The following PRDM12 variants were observed in gnomAD, a reference collection of about 807,000 sequenced individuals.
PRDM12 encodes PR domain zinc finger protein 12.
A neutral mutation model predicts 29.6 loss-of-function variants in PRDM12; 17 were observed. The observed-to-expected ratio is 0.57, with a 90% CI of 0.39 to 0.86. The LOEUF (loss-of-function observed/expected upper bound fraction) is 0.86. Ranked by LOEUF, PRDM12 falls within the 40% of genes least tolerant of loss-of-function variation. The pLI, the probability that PRDM12 is intolerant of heterozygous loss-of-function variation, is 0.00. For missense variants in PRDM12, 422 were observed against 510.8 expected (o/e 0.83, Z 1.68); for synonymous variants, 231 against 225.8 (o/e 1.02, Z -0.21).
At chr9:130,676,897 C>T (rs1335379354) in intron 3 of PRDM12, among the ~76,000 whole-genome samples, 1 of 150,802 alleles carries the variant, frequency 6.6e-6, no homozygotes, top group African/African-American at 2.5e-5. Flanking sequence ...TTTCTTTCGA[C>T]CTCCCCTTCT....
rs1830905520 is a variant in PRDM12 at position 130,681,655 on chromosome 9, G to C, written c.1090G>C (p.Ala364Pro). Residue 364 changes from alanine (A) to proline (P), a missense_variant, in exon 5 of 5, where the codon GCC becomes CCC. Around this residue, in one of 5 missense-constraint regions of PRDM12, gnomAD observed 66 missense variants for 61.5 expected, o/e 1.07. Coordinates refer to ENST00000253008, the MANE Select transcript of PRDM12 (RefSeq NM_021619.3). This position sits in a 1 kb window ranked among gnomAD's most constrained non-coding sequence, Gnocchi z 8.1. ...CGCCGCCGCCGCGCACCACCTGCCGGCCATGGTGCTGTGAGCGCGCCCGCG... is the reference window on the plus strand; with the variant it reads ...CGCCGCCGCCGCGCACCACCTGCCGCCCATGGTGCTGTGAGCGCGCCCGCG... The part of the protein sequence containing the change: ...AAAAAAHHLP[A>P]MVL The C allele has an allele frequency of 1.0e-6, 1 of 978,114 alleles. No homozygotes were observed. Among genetic ancestry groups the C allele is most frequent in the Non-Finnish European group, 1.2e-6 (1 of 826,654 alleles). The allele number at this position is 978,114 out of a possible 1,614,324, so 60.6% of individuals were successfully genotyped here.
Position 130,666,634 on chromosome 9 carries a change from C to T in PRDM12, c.250C>T (p.Leu84=), listed in dbSNP as rs954703332. ...GEVQKLSSLV[L]PAEVIIAQSS... ...AGTGCAGAAGCTGTCCAGCCTGGTG[C>T]TGCCTGCGGAGGTGATCATCGCTCA... is the stretch of plus-strand genomic sequence containing the variant. The change falls in exon 2 of 5, where the codon CTG becomes TTG. Residue 84 remains leucine, a synonymous_variant. Transcript: ENST00000253008. The T allele has an allele frequency of 1.3e-5, 21 of 1,612,004 alleles. No homozygotes were observed. Among genetic ancestry groups the T allele is most frequent in the Non-Finnish European group, 1.8e-5 (21 of 1,179,342 alleles).
intron 3 of PRDM12, among the ~76,000 whole-genome samples, chr9:130,669,898 C>CAGAGGAGGGTGGGA (rs930247334): frequency 6.7e-6 from 1 of 149,820 alleles, no homozygotes; most frequent in African/African-American, 2.5e-5. Context: ...CAGGAAGGTT[C>CAGAGGAGGGTGGGA]AGAGGAGGGT....
At chr9:130,680,634 A>AAAATATATATATATATATAT (rs1469778040) in intron 4 of PRDM12, among the ~76,000 whole-genome samples, 2 of 88,498 alleles carry the variant, frequency 2.3e-5, no homozygotes, top group African/African-American at 5.7e-5. Flanking sequence ...AAAAAAAAAA[A>AAAATATATATATATATATAT]ATATATATAT....
Position 130,664,901 on chromosome 9 carries a change from C to A in PRDM12, c.223+25C>A, listed in dbSNP as rs557778396. 6 of 1,503,098 alleles carry A rather than the reference C, an allele frequency of 4.0e-6. No individual in the cohort carries two copies. The African/African-American group carries it at 5.6e-5, about 14-fold the overall frequency. The allele number at this position is 1,503,098 out of a possible 1,614,324, so 93.1% of individuals were successfully genotyped here. ...GGTGAGTCCAGCCGTCGGAGCCCGG[C>A]GCAATCCCTCCTCCCGGCGACCCCC... is the stretch of plus-strand genomic sequence containing the variant. On this transcript the variant is annotated intron_variant, in intron 1 of 4. Transcript: ENST00000253008. The surrounding 1 kb of genome is among the most constrained non-coding windows in gnomAD (Gnocchi z 6.4).
intron 2 of PRDM12, among the ~76,000 whole-genome samples, chr9:130,667,207 C>G (rs1014935915): frequency 1.3e-5 from 2 of 152,192 alleles, no homozygotes; most frequent in Non-Finnish European, 1.5e-5. Flanking sequence ...CAGTCCTGGG[C>G]TGGGGGTGAG....
chr9:130,667,043 C>T (rs956865219), intron 2 of PRDM12, among the ~76,000 whole-genome samples: 9 of 152,236 alleles, frequency 5.9e-5, no homozygotes, highest in African/African-American at 2.2e-4. Context: ...CAGAGCAAGA[C>T]TGTGGTTGGC....
chr9:130,681,765 G>A lies in PRDM12; in HGVS notation c.*96G>A. On this transcript the variant is annotated 3_prime_UTR_variant, in exon 5 of 5. Transcript: ENST00000253008. This position sits in a 1 kb window ranked among gnomAD's most constrained non-coding sequence, Gnocchi z 8.1. ...GCCCTCCAGCCCCAACCCCCGGCCC[G>A]GCGCCGCCGCGGAGCCCCGCGCGCT... 3 of 953,460 alleles carry A rather than the reference G, an allele frequency of 3.1e-6. No homozygotes were observed. The highest frequency in any genetic ancestry group is 9.5e-5 in the South Asian group (2 of 21,094). 59.1% of individuals were successfully genotyped at this position (953,460 alleles called of 1,614,324 possible). A position where few individuals can be genotyped will look rare whatever the true frequency, so the allele number is the denominator to read the frequency against.
rs1481598365 is a variant in PRDM12, at chr9:130,668,305, G to A, written c.562G>A (p.Ala188Thr). The change falls in exon 3 of 5, where the codon GCC becomes ACC. Residue 188 changes from alanine to threonine, a missense_variant. Coordinates refer to ENST00000253008, the MANE Select transcript of PRDM12 (RefSeq NM_021619.3). This position sits in a 1 kb window ranked among gnomAD's most constrained non-coding sequence, Gnocchi z 4.0. ...VQIGTSIFYK[A>T]IEMIPPDQEL... ...GATCGGCACCAGCATCTTCTACAAGGCCATTGAGGTGTGTGTGTGTGTGTG... is the reference window on the plus strand; with the variant it reads ...GATCGGCACCAGCATCTTCTACAAGACCATTGAGGTGTGTGTGTGTGTGTG... 4 of 1,613,814 alleles carry A rather than the reference G, an allele frequency of 2.5e-6. No individual in the cohort carries two copies. The highest frequency in any genetic ancestry group is 2.2e-5 in the East Asian group (1 of 44,882).
rs1830896010 is a variant in PRDM12 at position 130,681,124 on chromosome 9, C to A, written c.683-124C>A. 1 of 1,073,470 alleles carries A rather than the reference C, an allele frequency of 9.3e-7. No homozygotes were observed. The highest frequency in any genetic ancestry group is 1.2e-6 in the Non-Finnish European group (1 of 810,806). 66.5% of individuals were successfully genotyped at this position (1,073,470 alleles called of 1,614,324 possible). ...CCACCGTCCAAGCAGCACCCACCCT[C>A]AAGGACGGACCGGCCCCGGGCTGGG... On this transcript the variant is annotated intron_variant, in intron 4 of 4. Coordinates refer to ENST00000253008, the MANE Select transcript of PRDM12 (RefSeq NM_021619.3). The surrounding 1 kb of genome is among the most constrained non-coding windows in gnomAD (Gnocchi z 8.1).
Position 130,668,685 on chromosome 9 carries a change from G to A in PRDM12, c.570+372G>A, listed in dbSNP as rs538862996. Among the ~76,000 whole-genome samples, 6 of 152,138 alleles carry A rather than the reference G, an allele frequency of 3.9e-5. No homozygotes were observed. Among genetic ancestry groups the A allele is most frequent in the African/African-American group, 1.2e-4 (5 of 41,418 alleles). The stretch of plus-strand genomic sequence containing the variant: ...TGGGGAGAGGCGGCCCAGGGAATGC[G>A]TTGGGGTGGGAGAGAGGGCGTGTGT... On this transcript the variant is annotated intron_variant, in intron 3 of 4. Coordinates refer to ENST00000253008, the MANE Select transcript of PRDM12 (RefSeq NM_021619.3). The surrounding 1 kb of genome is among the most constrained non-coding windows in gnomAD (Gnocchi z 4.0).
intron 1 of PRDM12, among the ~76,000 whole-genome samples, chr9:130,666,359 C>T (rs1296567253): frequency 6.6e-6 from 1 of 152,256 alleles, no homozygotes; most frequent in Non-Finnish European, 1.5e-5. Context: ...AAACCCACTT[C>T]TAAAAATGAT....
At chr9:130,672,436 G>T (rs987993460) in intron 3 of PRDM12, among the ~76,000 whole-genome samples, 2 of 152,124 alleles carry the variant, frequency 1.3e-5, no homozygotes, top group Non-Finnish European at 2.9e-5. Flanking sequence ...CGATCTGCCC[G>T]CCTCGGCCTC....
At chr9:130,678,695 G>A (rs1410149201) in intron 4 of PRDM12, 55 bp downstream of exon 4, 4 of 1,418,760 alleles carry the variant, frequency 2.8e-6, no homozygotes, top group African/African-American at 1.4e-5. Flanking sequence ...GGGGAGCCCA[G>A]GGAGGGGAGA....
chr9:130,676,829 G>A (rs139481036), intron 3 of PRDM12, among the ~76,000 whole-genome samples: 33 of 152,308 alleles, frequency 2.2e-4, no homozygotes, highest in Non-Finnish European at 4.3e-4. Context: ...ACTCTAGGCT[G>A]AGTCTCAGGA....
intron 3 of PRDM12, among the ~76,000 whole-genome samples, chr9:130,676,526 A>C (rs1830844528): frequency 6.6e-6 from 1 of 152,150 alleles, no homozygotes; most frequent in Non-Finnish European, 1.5e-5. Context: ...AACAAAAAAA[A>C]CCACGCAAAT....
In PRDM12 at chr9:130,667,266, A is replaced by T. The variant is rs913581047; in HGVS notation, c.414+468A>T. On this transcript the variant is annotated intron_variant, in intron 2 of 4. Coordinates refer to ENST00000253008, the MANE Select transcript of PRDM12 (RefSeq NM_021619.3). ...TGGTGAAAGCAGAATGACATTCACGATGACTGTGGCTGAGGTGGCATTGAG... is the reference window on the plus strand; with the variant it reads ...TGGTGAAAGCAGAATGACATTCACGTTGACTGTGGCTGAGGTGGCATTGAG... Among the ~76,000 whole-genome samples, 4 of 152,342 alleles carry T rather than the reference A, an allele frequency of 2.6e-5. No homozygotes were observed. The East Asian group carries it at 5.8e-4, about 22-fold the overall frequency.
chr9:130,672,235 T>C (rs768554222), intron 3 of PRDM12, among the ~76,000 whole-genome samples: 1 of 152,210 alleles, frequency 6.6e-6, no homozygotes, highest in Non-Finnish European at 1.5e-5. Flanking sequence ...GGAGTCTTAC[T>C]CTGTCATCTA....
At chr9:130,665,602 T>G (rs968084707) in intron 1 of PRDM12, among the ~76,000 whole-genome samples, 1 of 152,170 alleles carries the variant, frequency 6.6e-6, no homozygotes, top group Non-Finnish European at 1.5e-5. Flanking sequence ...TCGGCCCCTT[T>G]TAAACAAGTC....
Sources: allele counts gnomAD v4.1 joint callset (sites outside exome capture counted in the v4.1 genomes callset), GRCh38; gene constraint gnomAD v4.1.1; regional missense constraint gnomAD v4.1.1; non-coding constraint Gnocchi (gnomAD v3.1); transcripts MANE v1.5; gene names NCBI Gene and HGNC (gene_info 2026-07-23, HGNC 2026-07-21).